RASGRF2: variants seen among roughly 807,000 people sequenced by gnomAD.
RASGRF2 encodes the protein Ras protein specific guanine nucleotide releasing factor 2.
In RASGRF2, 76 loss-of-function variants were observed where a neutral mutation model predicts 151.0. That is an observed-to-expected ratio of 0.50 (90% CI 0.42 to 0.61). The LOEUF (loss-of-function observed/expected upper bound fraction) is 0.61. RASGRF2 is among the 20% of genes least tolerant of loss of function. RASGRF2 has a pLI of 0.00. For missense variants in RASGRF2, 1,148 were observed against 1,564.6 expected, an observed-to-expected ratio of 0.73 and a Z score of 4.49; for synonymous variants, 504 against 566.5, an observed-to-expected ratio of 0.89 and a Z score of 1.57.
chr5:80,987,344 A>T (rs1748504914), intron 1 of RASGRF2, among the ~76,000 whole-genome samples: 1 of 152,220 alleles, frequency 6.6e-6, no homozygotes, highest in Non-Finnish European at 1.5e-5. Flanking sequence ...CAGGAACCAC[A>T]GTTTACCCTA....
chr5:81,090,560 G>C (rs1275489375), intron 9 of RASGRF2, among the ~76,000 whole-genome samples: 1 of 152,086 alleles, frequency 6.6e-6, no homozygotes, highest in African/African-American at 2.4e-5. Context: ...ACAAACCATA[G>C]TGTTGCAATT....
In RASGRF2 at chr5:81,016,049, C is replaced by T. The variant is rs560446216; in HGVS notation, c.289-26828C>T. Among the ~76,000 whole-genome samples, 5 of 152,234 alleles carry T rather than the reference C, an allele frequency of 3.3e-5. No homozygotes were observed. The South Asian group carries it at 1.0e-3, about 32-fold the overall frequency. ...ACAATGGCGACTGAACTCATATGTGCGCTCAGTCAGTGGCTCTGAAGCTGA... is the reference window on the plus strand; with the variant it reads ...ACAATGGCGACTGAACTCATATGTGTGCTCAGTCAGTGGCTCTGAAGCTGA... On this transcript the variant is annotated intron_variant, in intron 1 of 26. Transcript: ENST00000265080.
chr5:81,219,818 AG>A lies in RASGRF2; in HGVS notation c.3621+44del, dbSNP rs753178923. 4 of 1,480,826 alleles carry A rather than the reference AG, an allele frequency of 2.7e-6. No individual in the cohort carries two copies. The African/African-American group carries it at 5.6e-5, about 21-fold the overall frequency. The allele number at this position is 1,480,826 out of a possible 1,614,324, so 91.7% of individuals were successfully genotyped here. A position where few individuals can be genotyped will look rare whatever the true frequency, so the allele number is the denominator to read the frequency against. On this transcript the variant is annotated intron_variant, in intron 26 of 26. Coordinates refer to ENST00000265080, the MANE Select transcript of RASGRF2 (RefSeq NM_006909.3). ...CTGTGAAGAAATTAATAAAGAAAAA[AG>A]GGGAAATTAATGAATTAGAAAACAA... is the stretch of plus-strand genomic sequence containing the variant.
At chr5:80,996,225 A>C (rs1748854455) in intron 1 of RASGRF2, among the ~76,000 whole-genome samples, 1 of 152,154 alleles carries the variant, frequency 6.6e-6, no homozygotes, top group Admixed American at 6.5e-5. Context: ...CACTTTGTAG[A>C]ATATTCTTTA....
chr5:81,201,240 C>T lies in RASGRF2; in HGVS notation c.2794-90C>T, dbSNP rs1755387432. On this transcript the variant is annotated intron_variant, in intron 18 of 26. Coordinates refer to ENST00000265080, the MANE Select transcript of RASGRF2 (RefSeq NM_006909.3). ...ACATTTTAATTTCCATACCTAGCTT[C>T]TAGAGAATTTATCATGGAGAATGGT... is the stretch of plus-strand genomic sequence containing the variant. 5 of 1,493,046 alleles carry T rather than the reference C, an allele frequency of 3.3e-6. No individual in the cohort carries two copies. In the Admixed American group the frequency reaches 9.0e-5, roughly 27 times the overall value. 92.5% of individuals were successfully genotyped at this position (1,493,046 alleles called of 1,614,324 possible). A position where few individuals can be genotyped will look rare whatever the true frequency, so the allele number is the denominator to read the frequency against.
intron 13 of RASGRF2, 46 bp from the exon 14 acceptor site, chr5:81,112,564 A>G (rs1198044217): frequency 1.1e-5 from 17 of 1,608,486 alleles, no homozygotes; most frequent in African/African-American, 1.3e-5. Flanking sequence ...GCCGAGGGGG[A>G]AGCCTCCTCC....
intron 18 of RASGRF2, among the ~76,000 whole-genome samples, chr5:81,180,982 AGGCAGG>A (rs1754903792): frequency 1.3e-5 from 2 of 152,100 alleles, no homozygotes; most frequent in Admixed American, 6.5e-5. Flanking sequence ...GCCACATACC[AGGCAGG>A]CCCTCCTGGA....
intron 18 of RASGRF2, among the ~76,000 whole-genome samples, chr5:81,187,925 TTTGTTCATTGTTC>T (rs1755067575): frequency 6.6e-6 from 1 of 152,152 alleles, no homozygotes; most frequent in Non-Finnish European, 1.5e-5. Context: ...TGAGTTCAGG[TTTGTTCATTGTTC>T]TTGTTCATTG....
chr5:81,177,263 G>T (rs769534176), intron 17 of RASGRF2, among the ~76,000 whole-genome samples: 3 of 152,024 alleles, frequency 2.0e-5, no homozygotes, highest in Non-Finnish European at 4.4e-5. Flanking sequence ...AATAACAAAA[G>T]ATTTTTTTTC....
chr5:81,087,015 C>G (rs1165382696), intron 9 of RASGRF2, 62 bp downstream of exon 9: 1 of 1,446,394 alleles, frequency 6.9e-7, no homozygotes, highest in Non-Finnish European at 9.7e-7. Context: ...ATGATCTCGG[C>G]ACACCCCGGA....
At chr5:81,113,166 A>G (rs1398319083) in intron 14 of RASGRF2, among the ~76,000 whole-genome samples, 2 of 146,652 alleles carry the variant, frequency 1.4e-5, no homozygotes, top group East Asian at 4.0e-4. Flanking sequence ...GACAATTATG[A>G]TTTTAAAACT....
intron 5 of RASGRF2, among the ~76,000 whole-genome samples, chr5:81,076,769 T>C (rs772513210): frequency 6.6e-6 from 1 of 152,204 alleles, no homozygotes; most frequent in Admixed American, 6.5e-5. Flanking sequence ...GGAATAGTGA[T>C]AACTAGGGCA....
intron 9 of RASGRF2, among the ~76,000 whole-genome samples, chr5:81,092,267 A>C (rs1404694705): frequency 6.6e-6 from 1 of 151,960 alleles, no homozygotes; most frequent in Non-Finnish European, 1.5e-5. Flanking sequence ...AATAGTTCTT[A>C]GCTAAATTTC....
At position 81,208,372 on chromosome 5, in the gene RASGRF2, G is replaced by A. The variant is rs185703808; in HGVS notation, c.3090G>A (p.Gly1030=). The change falls in exon 22 of 27, where the codon GGG becomes GGA. Residue 1030 remains glycine, a synonymous_variant. Transcript: ENST00000265080. ...SIPYEEFLGQ[G]WMKLDKNERT... ...CTTCCAGGGAGTTTCTTGGGCAGGG[G>A]TGGATGAAGCTGGATAAAAACGAAA... 6 of 1,613,936 alleles carry A rather than the reference G, an allele frequency of 3.7e-6. No individual in the cohort carries two copies. In the African/African-American group the frequency reaches 6.7e-5, roughly 18 times the overall value.
At chr5:81,165,275 A>G (rs1436851273) in intron 17 of RASGRF2, among the ~76,000 whole-genome samples, 2 of 152,220 alleles carry the variant, frequency 1.3e-5, no homozygotes, top group African/African-American at 4.8e-5. Flanking sequence ...CTCAGGAAAT[A>G]CCAAGGTCTT....
In RASGRF2 at chr5:81,112,701, G is replaced by A. The variant is rs774520224; in HGVS notation, c.1930G>A (p.Val644Met). 5.6e-6 allele frequency: 9 copies of A among 1,614,196 alleles called. No homozygotes were observed. Among genetic ancestry groups the A allele is most frequent in the South Asian group, 1.1e-5 (1 of 91,078 alleles). Residue 644 changes from valine to methionine, a missense_variant, in exon 14 of 27, where the codon GTG (valine) becomes ATG (methionine). Around this residue, in one of 5 missense-constraint regions of RASGRF2, gnomAD observed 646 missense variants for 807.4 expected, o/e 0.80. Coordinates refer to ENST00000265080, the MANE Select transcript of RASGRF2 (RefSeq NM_006909.3). Reference protein sequence around the residue: ...CKVPQIRYASVERLLERLTDL... With the variant: ...CKVPQIRYASMERLLERLTDL... The stretch of plus-strand genomic sequence containing the variant: ...AGTGCCCCAGATCCGTTATGCCAGC[G>A]TGGAGCGCCTCTTGGAACGACTGAC...
At chr5:81,014,235 T>C (rs1166815810) in intron 1 of RASGRF2, among the ~76,000 whole-genome samples, 2 of 152,220 alleles carry the variant, frequency 1.3e-5, no homozygotes, top group Non-Finnish European at 2.9e-5. Context: ...ATTTGTTTCA[T>C]ACTTGTATTA....
chr5:81,156,638 AC>A (rs1238725070), intron 17 of RASGRF2, among the ~76,000 whole-genome samples: 1 of 152,234 alleles, frequency 6.6e-6, no homozygotes, highest in Non-Finnish European at 1.5e-5. Flanking sequence ...AATATTTAAT[AC>A]CCATTCAATA....
At chr5:81,097,656 C>T (rs115860918) in intron 12 of RASGRF2, among the ~76,000 whole-genome samples, 2,708 of 152,012 alleles carry the variant, frequency 0.018, 43 homozygotes, top group Middle Eastern at 0.082. Flanking sequence ...ATGGAGATAC[C>T]GTGTGAATAT....
Sources: allele counts gnomAD v4.1 joint callset (sites outside exome capture counted in the v4.1 genomes callset), GRCh38; gene constraint gnomAD v4.1.1; regional missense constraint gnomAD v4.1.1; transcripts MANE v1.5; gene names NCBI Gene and HGNC (gene_info 2026-07-23, HGNC 2026-07-21).